Variants in TLE1 observed in about 807,000 individuals in gnomAD.
TLE1 encodes the protein TLE family member 1, transcriptional corepressor.
TLE1 carries 21 observed loss-of-function variants against 89.8 expected under a neutral mutation model. The ratio of observed to expected loss-of-function variants is 0.23; its 90% CI spans 0.17 to 0.34. TLE1 has a LOEUF of 0.34. Among genes scored for constraint, TLE1 ranks in the 10% least tolerant of loss-of-function variants. The pLI is 1.00. For missense variants in TLE1, 795 were observed against 1,031.2 expected (o/e 0.77, Z 3.14); for synonymous variants, 447 against 407.6 (o/e 1.10, Z -1.16).
At chr9:81,587,530 G>A in intron 17 of TLE1, 151 bp downstream of exon 17, 2 of 1,113,600 alleles carry the variant, frequency 1.8e-6, no homozygotes, top group South Asian at 1.9e-5. Flanking sequence ...GGAGGTGGTG[G>A]TCATTGTTTT....
intron 4 of TLE1, among the ~76,000 whole-genome samples, chr9:81,675,651 G>C (rs1014132483): frequency 8.0e-5 from 12 of 149,380 alleles, no homozygotes; most frequent in Non-Finnish European, 1.3e-4. Flanking sequence ...AAGGTTATTA[G>C]AACTGAAAAG....
At chr9:81,587,547 A>T in intron 17 of TLE1, 134 bp downstream of exon 17, 1 of 1,212,668 alleles carries the variant, frequency 8.2e-7, no homozygotes, top group Non-Finnish European at 1.1e-6. Flanking sequence ...TTTTTAAATT[A>T]GTTATCTCAA....
chr9:81,626,505 CTTG>C (rs769824968), intron 8 of TLE1, among the ~76,000 whole-genome samples: 9 of 152,332 alleles, frequency 5.9e-5, no homozygotes, highest in Admixed American at 4.6e-4. Flanking sequence ...GAGATCCCCA[CTTG>C]TTAACAACAT....
chr9:81,682,056 C>T (rs537136859), intron 4 of TLE1, among the ~76,000 whole-genome samples: 9 of 151,628 alleles, frequency 5.9e-5, no homozygotes, highest in East Asian at 1.9e-4. Flanking sequence ...AACCAGCCTG[C>T]GAACATGGGT....
chr9:81,677,636 A>C lies in TLE1; in HGVS notation c.234+8040T>G, dbSNP rs572829711. Among the ~76,000 whole-genome samples, 3 of 152,072 alleles carry C rather than the reference A, an allele frequency of 2.0e-5. No homozygotes were observed. The East Asian group carries it at 5.8e-4, about 29-fold the overall frequency. On this transcript the variant is annotated intron_variant, in intron 4 of 19. Transcript: ENST00000376499. ...AGCTTTTCACCAAGAGGTTGTACGT[A>C]TACCTAGACTAGTATCATAGACTAG...
chr9:81,588,397 GA>G (rs1246893875), intron 16 of TLE1, among the ~76,000 whole-genome samples: 2 of 152,134 alleles, frequency 1.3e-5, no homozygotes, highest in Admixed American at 6.6e-5. Flanking sequence ...TTCTGTGTTA[GA>G]AAGAGCCCTG....
chr9:81,613,618 G>A (rs552021948), intron 11 of TLE1, 97 bp from the exon 12 acceptor site: 16 of 1,408,730 alleles, frequency 1.1e-5, no homozygotes, highest in Non-Finnish European at 1.6e-5. Flanking sequence ...GCACCTTCTA[G>A]CTACTCCCTC....
At chr9:81,610,915 C>A (rs1038548910) in intron 13 of TLE1, among the ~76,000 whole-genome samples, 10 of 152,186 alleles carry the variant, frequency 6.6e-5, no homozygotes, top group African/African-American at 2.4e-4. Flanking sequence ...AGTCTCTCAG[C>A]TGACCACCTT....
intron 8 of TLE1, among the ~76,000 whole-genome samples, chr9:81,631,698 T>C (rs773847827): frequency 1.1e-4 from 17 of 152,236 alleles, no homozygotes; most frequent in Non-Finnish European, 2.1e-4. Flanking sequence ...ATAAGTTCAA[T>C]AGATTTAAAA....
At chr9:81,682,987 C>T (rs1043370594) in intron 4 of TLE1, among the ~76,000 whole-genome samples, 2 of 152,180 alleles carry the variant, frequency 1.3e-5, no homozygotes, top group Non-Finnish European at 2.9e-5. Flanking sequence ...AACCTAAACA[C>T]GGGCTGTGGG....
rs377346839 is a variant in TLE1 at position 81,610,323 on chromosome 9, A to G, written c.1255-27T>C. 7.8e-5 allele frequency: 124 copies of G among 1,587,286 alleles called. No individual in the cohort carries two copies. The African/African-American group carries it at 1.5e-3, about 20-fold the overall frequency. On this transcript the variant is annotated intron_variant, in intron 13 of 19. Transcript: ENST00000376499. ...TGGAAACAAAAATAAGGCATTGCAG[A>G]CTCAGTTTATTGCAGCAGGCACTTT...
At chr9:81,675,857 C>T (rs1408810562) in intron 4 of TLE1, among the ~76,000 whole-genome samples, 5 of 151,980 alleles carry the variant, frequency 3.3e-5, no homozygotes, top group Admixed American at 6.6e-5. Flanking sequence ...CCTGCCACCA[C>T]GCCCAGCTAA....
In TLE1 at chr9:81,583,832, C is replaced by T. The variant is rs566859195; in HGVS notation, c.*366G>A. ...GGAGACACCACTGCTCTACAAAGGA[C>T]GGAAAGTGAGGTGAACTGCAAGGAA... On this transcript the variant is annotated 3_prime_UTR_variant, in exon 20 of 20. Transcript: ENST00000376499. 68 of 205,540 alleles carry T rather than the reference C, an allele frequency of 3.3e-4. No individual in the cohort carries two copies. Among genetic ancestry groups the T allele is most frequent in the African/African-American group, 5.9e-4 (26 of 44,114 alleles). 12.7% of individuals were successfully genotyped at this position (205,540 alleles called of 1,614,324 possible).
chr9:81,654,149 A>G, intron 4 of TLE1, 113 bp from the exon 5 acceptor site: 1 of 943,308 alleles, frequency 1.1e-6, no homozygotes. Flanking sequence ...GGAAATGTGT[A>G]TAAAATGGTT....
intron 4 of TLE1, among the ~76,000 whole-genome samples, chr9:81,664,617 T>A (rs1831224310): frequency 6.6e-6 from 1 of 151,968 alleles, no homozygotes; most frequent in African/African-American, 2.4e-5. Context: ...ATCCCAGCAC[T>A]TTTGCGGGGC....
At chr9:81,636,016 A>C (rs973387985) in intron 6 of TLE1, among the ~76,000 whole-genome samples, 5 of 152,172 alleles carry the variant, frequency 3.3e-5, no homozygotes, top group African/African-American at 1.2e-4. Flanking sequence ...ATAAATAAAA[A>C]TGTCTAAGAG....
At chr9:81,679,555 G>A (rs1009432818) in intron 4 of TLE1, among the ~76,000 whole-genome samples, 1 of 151,988 alleles carries the variant, frequency 6.6e-6, no homozygotes, top group South Asian at 2.1e-4. Context: ...GCGCATCCTA[G>A]TTCCACTTAA....
At position 81,688,301 on chromosome 9, in the gene TLE1, C is replaced by T; in HGVS notation, c.-61G>A. On this transcript the variant is annotated 5_prime_UTR_variant, in exon 1 of 20. Coordinates refer to ENST00000376499, the MANE Select transcript of TLE1 (RefSeq NM_005077.5). Reference sequence around the variant, plus strand: ...ACTCAATTCTCCGGTCAATTTCCAACTTTAATCCCGCCGAGGAAAATTAAG... The same window carrying T: ...ACTCAATTCTCCGGTCAATTTCCAATTTTAATCCCGCCGAGGAAAATTAAG... 6.8e-7 allele frequency: 1 copy of T among 1,478,624 alleles called. No homozygotes were observed. The allele number at this position is 1,478,624 out of a possible 1,614,324, so 91.6% of individuals were successfully genotyped here.
At chr9:81,685,404 G>C (rs1285716515) in intron 4 of TLE1, among the ~76,000 whole-genome samples, 2 of 152,160 alleles carry the variant, frequency 1.3e-5, no homozygotes, top group Non-Finnish European at 2.9e-5. Flanking sequence ...AGGTGAAAAA[G>C]TAAACTCAAG....
Sources: allele counts gnomAD v4.1 joint callset (sites outside exome capture counted in the v4.1 genomes callset), GRCh38; gene constraint gnomAD v4.1.1; transcripts MANE v1.5; gene names NCBI Gene and HGNC (gene_info 2026-07-23, HGNC 2026-07-21).